CHRNA9: variants seen among roughly 807,000 people sequenced by gnomAD.
CHRNA9 encodes cholinergic receptor nicotinic alpha 9 subunit, also known as neuronal acetylcholine receptor subunit alpha-9.
CHRNA9 carries 24 observed loss-of-function variants against 36.8 expected under a neutral mutation model. The observed-to-expected ratio is 0.65, with a 90% CI of 0.47 to 0.92. CHRNA9 has a LOEUF of 0.92. CHRNA9 is among the 40% of genes least tolerant of loss of function. The probability of loss-of-function intolerance (pLI) is 0.00; values close to 1 mark genes in which losing one functional copy is unlikely to be tolerated. For missense variants in CHRNA9, 610 were observed against 601.2 expected (o/e 1.01, Z -0.15); for synonymous variants, 231 against 231.8 (o/e 1.00, Z 0.03).
At chr4:40,350,550 A>G (rs1372274351) in intron 4 of CHRNA9, among the ~76,000 whole-genome samples, 1 of 152,198 alleles carries the variant, frequency 6.6e-6, no homozygotes, top group Non-Finnish European at 1.5e-5. Context: ...ATTTTAGAAC[A>G]CCAACGAACT....
At position 40,346,148 on chromosome 4, in the gene CHRNA9, G is replaced by A. The variant is rs76941948; in HGVS notation, c.366-2734G>A. On this transcript the variant is annotated intron_variant, in intron 3 of 4. Transcript: ENST00000310169. ...TGGGGTTGGGTTTGGCCAATGTGGAGCACCAGTGGGCAATTGCAGGGAAAA... is the reference window on the plus strand; with the variant it reads ...TGGGGTTGGGTTTGGCCAATGTGGAACACCAGTGGGCAATTGCAGGGAAAA... 3.8e-3 allele frequency among the ~76,000 whole-genome samples: 585 copies of A among 152,352 alleles called. 2 individuals are homozygous for A. Among genetic ancestry groups the A allele is most frequent in the South Asian group, 0.021 (101 of 4,822 alleles).
At position 40,335,373 on chromosome 4, in the gene CHRNA9, G is replaced by A. The variant is rs1431373355; in HGVS notation, c.-95G>A. On this transcript the variant is annotated 5_prime_UTR_variant, in exon 1 of 5. It adds an upstream start codon to the 5' untranslated region. Transcript: ENST00000310169. ...TCTCCCGCCATAAGGCTGCAGCGGT[G>A]TGGGCTCCTTGTGCCCAGATCCTTT... 20 of 935,402 alleles carry A rather than the reference G, an allele frequency of 2.1e-5. No individual in the cohort carries two copies. The highest frequency in any genetic ancestry group is 3.2e-5 in the Non-Finnish European group (18 of 566,266). 57.9% of individuals were successfully genotyped at this position (935,402 alleles called of 1,614,324 possible). A position where few individuals can be genotyped will look rare whatever the true frequency, so the allele number is the denominator to read the frequency against.
intron 3 of CHRNA9, among the ~76,000 whole-genome samples, chr4:40,341,615 G>C (rs938338658): frequency 6.6e-6 from 1 of 152,182 alleles, no homozygotes; most frequent in African/African-American, 2.4e-5. Context: ...AACGTCTAGA[G>C]GGTACTTAAA....
Position 40,349,585 on chromosome 4 carries a change from C to G in CHRNA9, c.898+171C>G, listed in dbSNP as rs1712738897. On this transcript the variant is annotated intron_variant, in intron 4 of 4. Transcript: ENST00000310169. ...GTTAGCATCTTTCAATATAGATGAG[C>G]CTTTTGCAATCAAAACTGGTCTTAT... 12 of 614,944 alleles carry G rather than the reference C, an allele frequency of 2.0e-5. 1 individual carries two copies. The South Asian group carries it at 2.2e-4, about 11-fold the overall frequency. The allele number at this position is 614,944 out of a possible 1,614,324, so 38.1% of individuals were successfully genotyped here. A position where few individuals can be genotyped will look rare whatever the true frequency, so the allele number is the denominator to read the frequency against.
Position 40,335,448 on chromosome 4 carries a change from T to A in CHRNA9, c.-20T>A, listed in dbSNP as rs1560314309. The A allele has an allele frequency of 2.5e-6, 4 of 1,599,240 alleles. No homozygotes were observed. In the South Asian group the frequency reaches 4.4e-5, roughly 18 times the overall value. ...CCACGCTGCCTGACTGAGACTTTAT[T>A]ATAGAGGCTCAGGAAAAAGATGAAC... On this transcript the variant is annotated 5_prime_UTR_variant, in exon 1 of 5. Transcript: ENST00000310169.
chr4:40,345,283 G>A (rs1024440324), intron 3 of CHRNA9, among the ~76,000 whole-genome samples: 2 of 152,138 alleles, frequency 1.3e-5, no homozygotes, highest in Non-Finnish European at 2.9e-5. Context: ...TGGGCGCGGT[G>A]GCTTGTACTG....
intron 4 of CHRNA9, 74 bp from the exon 5 acceptor site, chr4:40,353,905 G>A: frequency 4.6e-6 from 6 of 1,307,262 alleles, no homozygotes; most frequent in Non-Finnish European, 6.4e-6. Flanking sequence ...ATGTATCCCT[G>A]TTGTTAAGTG....
At chr4:40,335,608 G>A (rs1712293691) in intron 1 of CHRNA9, 77 bp downstream of exon 1, 4 of 1,223,968 alleles carry the variant, frequency 3.3e-6, no homozygotes, top group East Asian at 4.6e-5. Flanking sequence ...GCAGGACAGG[G>A]AAGACAAAAC....
At chr4:40,346,172 AAG>A (rs762943265) in intron 3 of CHRNA9, among the ~76,000 whole-genome samples, 1 of 152,210 alleles carries the variant, frequency 6.6e-6, no homozygotes, top group Non-Finnish European at 1.5e-5. Context: ...TTGCAGGGAA[AAG>A]AGAGAGTGAG....
chr4:40,339,092 A>G (rs1457001432), intron 3 of CHRNA9, among the ~76,000 whole-genome samples: 1 of 151,770 alleles, frequency 6.6e-6, no homozygotes, highest in African/African-American at 2.4e-5. Context: ...AGCCTTGCTA[A>G]CATGGTGAAA....
Position 40,335,409 on chromosome 4 carries a change from G to T in CHRNA9, c.-59G>T, listed in dbSNP as rs1306691068. ...GTGCCCAGATCCTTTGTATTCATAG[G>T]GGGAAGTGGAAGACCACGCTGCCTG... is the stretch of plus-strand genomic sequence containing the variant. On this transcript the variant is annotated 5_prime_UTR_variant, in exon 1 of 5. Coordinates refer to ENST00000310169, the MANE Select transcript of CHRNA9 (RefSeq NM_017581.4). 1.6e-6 allele frequency: 2 copies of T among 1,260,356 alleles called. No homozygotes were observed. The highest frequency in any genetic ancestry group is 2.3e-6 in the Non-Finnish European group (2 of 857,186). 78.1% of individuals were successfully genotyped at this position (1,260,356 alleles called of 1,614,324 possible).
At chr4:40,344,531 C>T (rs1457084878) in intron 3 of CHRNA9, among the ~76,000 whole-genome samples, 1 of 128,900 alleles carries the variant, frequency 7.8e-6, no homozygotes, top group Admixed American at 7.3e-5. Context: ...GAAATGCCAT[C>T]TCAAGAAAAA....
chr4:40,343,017 G>A (rs1462665212), intron 3 of CHRNA9, among the ~76,000 whole-genome samples: 2 of 152,152 alleles, frequency 1.3e-5, no homozygotes, highest in African/African-American at 4.8e-5. Context: ...AGGGATCCTG[G>A]GACTGAGTAA....
intron 3 of CHRNA9, chr4:40,338,078 C>T (rs553280055): frequency 1.3e-5 from 2 of 152,284 alleles, no homozygotes; most frequent in South Asian, 4.2e-4. Context: ...TTAACAGTGA[C>T]ACTCACCATC....
chr4:40,353,990 A>G lies in CHRNA9; in HGVS notation c.910A>G (p.Ile304Val). 1 of 1,600,586 alleles carries G rather than the reference A, an allele frequency of 6.2e-7. No homozygotes were observed. The highest frequency in any genetic ancestry group is 8.5e-7 in the Non-Finnish European group (1 of 1,171,420). ...TATTTTAATTCCAGGTAAATACTAC[A>G]TAGCCACGATGGCCCTGATCACAGC... ...ENVPLIGKYYIATMALITAST... is the reference protein window; with the variant it reads ...ENVPLIGKYYVATMALITAST... The change falls in exon 5 of 5, where the codon ATA becomes GTA. Residue 304 changes from isoleucine (I) to valine (V), a missense_variant. Physicochemically the swap from Ile to Val is conservative, Grantham distance 29 (BLOSUM62 3). Coordinates refer to ENST00000310169, the MANE Select transcript of CHRNA9 (RefSeq NM_017581.4).
rs887313309 is a variant in CHRNA9 at position 40,335,871 on chromosome 4, G to T, written c.109G>T (p.Asp37Tyr). The change falls in exon 2 of 5, where the codon GAC becomes TAC. Residue 37 changes from aspartate to tyrosine, a missense_variant. Physicochemically the swap from Asp to Tyr is radical, Grantham distance 160. Transcript: ENST00000310169. ...AAAATATGCTCAGAAGTTGTTTAATGACCTTTTTGAAGATTATTCTAATGC... is the reference window on the plus strand; with the variant it reads ...AAAATATGCTCAGAAGTTGTTTAATTACCTTTTTGAAGATTATTCTAATGC... ...DGKYAQKLFN[D>Y]LFEDYSNALR... The T allele has an allele frequency of 6.2e-7, 1 of 1,612,806 alleles. No individual in the cohort carries two copies. Among genetic ancestry groups the T allele is most frequent in the African/African-American group, 1.3e-5 (1 of 74,888 alleles).
rs117394582 is a variant in CHRNA9, at chr4:40,348,609, G to C, written c.366-273G>C. On this transcript the variant is annotated intron_variant, in intron 3 of 4. Transcript: ENST00000310169. ...CTGCGTGTTCAAATCATTACACCTGGACCAAGAAAGTGACACTGGGAATGG... is the reference window on the plus strand; with the variant it reads ...CTGCGTGTTCAAATCATTACACCTGCACCAAGAAAGTGACACTGGGAATGG... 3.3e-4 allele frequency among the ~76,000 whole-genome samples: 50 copies of C among 152,244 alleles called. No individual in the cohort carries two copies. The East Asian group carries it at 5.0e-3, about 15-fold the overall frequency.
intron 4 of CHRNA9, among the ~76,000 whole-genome samples, chr4:40,350,693 T>TACACAC (rs59972613): frequency 0.058 from 8,377 of 143,850 alleles, 264 homozygotes; most frequent in African/African-American, 0.078. Flanking sequence ...CTTTGCAAAA[T>TACACAC]ACACACACAC....
chr4:40,351,627 G>A lies in CHRNA9; in HGVS notation c.898+2213G>A, dbSNP rs117121813. ...TGCATCAAATGTAGCCCTTGATATC[G>A]GTTTCTGGCCCATGGCCTTTACCAT... On this transcript the variant is annotated intron_variant, in intron 4 of 4. Coordinates refer to ENST00000310169, the MANE Select transcript of CHRNA9 (RefSeq NM_017581.4). Among the ~76,000 whole-genome samples, 417 of 152,230 alleles carry A rather than the reference G, an allele frequency of 2.7e-3. 13 individuals are homozygous for A. The East Asian group carries it at 0.074, about 27-fold the overall frequency.
Sources: allele counts gnomAD v4.1 joint callset (sites outside exome capture counted in the v4.1 genomes callset), GRCh38; gene constraint gnomAD v4.1.1; transcripts MANE v1.5; gene names NCBI Gene and HGNC (gene_info 2026-07-23, HGNC 2026-07-21).